The following SEMA3A variants were observed in gnomAD, a reference collection of about 807,000 sequenced individuals.
The protein encoded by SEMA3A is semaphorin 3A, also known as semaphorin-3A.
In SEMA3A, 29 loss-of-function variants were observed where a neutral mutation model predicts 97.9. That is an observed-to-expected ratio of 0.30 (90% CI 0.22 to 0.40). The LOEUF is 0.40. SEMA3A is among the 10% of genes least tolerant of loss of function. SEMA3A has a pLI of 1.00. For synonymous variants in SEMA3A, 321 were observed against 323.7 expected, an observed-to-expected ratio of 0.99 and a Z score of 0.09; for missense variants, 763 against 951.3, an observed-to-expected ratio of 0.80 and a Z score of 2.60.
intron 4 of SEMA3A, among the ~76,000 whole-genome samples, chr7:84,066,185 A>G (rs1793484285): frequency 6.6e-6 from 1 of 152,044 alleles, no homozygotes. Flanking sequence ...GATTATCGCA[A>G]TAGATGCAGA....
intron 3 of SEMA3A, among the ~76,000 whole-genome samples, chr7:84,230,539 CAA>C (rs1396513019): frequency 1.3e-5 from 2 of 151,926 alleles, no homozygotes; most frequent in Non-Finnish European, 2.9e-5. Context: ...TTTGAAATCC[CAA>C]GTCAGTAATG....
chr7:84,274,394 G>A (rs1003206219), intron 3 of SEMA3A, among the ~76,000 whole-genome samples: 2 of 152,044 alleles, frequency 1.3e-5, no homozygotes, highest in African/African-American at 4.8e-5. Flanking sequence ...AGGGAGTAGA[G>A]AGAAGAAAGA....
At chr7:84,425,399 A>T (rs572889785) in intron 1 of SEMA3A, among the ~76,000 whole-genome samples, 250 of 132,522 alleles carry the variant, frequency 1.9e-3, no homozygotes, top group African/African-American at 6.5e-3. Context: ...TAATATATTC[A>T]CATAAATATA....
chr7:84,240,838 G>A (rs1353398138), intron 3 of SEMA3A, among the ~76,000 whole-genome samples: 2 of 152,160 alleles, frequency 1.3e-5, no homozygotes, highest in African/African-American at 4.8e-5. Flanking sequence ...TCCCACTTAA[G>A]AGTGAGAACA....
rs190807622 is a variant in SEMA3A, at chr7:84,166,736, G to A, written c.112+27739C>T. On this transcript the variant is annotated intron_variant, in intron 1 of 16. Transcript: ENST00000265362. ...AAATACAAAAAAAAATTAGCTGGGC[G>A]CGGTGGCAGGCACCTGTAATCCCAG... Among the ~76,000 whole-genome samples the A allele has an allele frequency of 3.7e-4, 56 of 151,552 alleles. No individual in the cohort carries two copies. The East Asian group carries it at 3.9e-3, about 11-fold the overall frequency.
chr7:84,170,602 T>C (rs759626761), intron 1 of SEMA3A, among the ~76,000 whole-genome samples: 3 of 152,054 alleles, frequency 2.0e-5, no homozygotes, highest in Non-Finnish European at 2.9e-5. Flanking sequence ...AACTGAAAAT[T>C]ATTTTAGGGT....
At chr7:84,262,219 G>GT (rs1411228312) in intron 3 of SEMA3A, among the ~76,000 whole-genome samples, 2 of 151,432 alleles carry the variant, frequency 1.3e-5, no homozygotes, top group Non-Finnish European at 1.5e-5. Context: ...TTTGTTTTTT[G>GT]TTTTTTGTTT....
intron 1 of SEMA3A, among the ~76,000 whole-genome samples, chr7:84,155,818 T>C (rs978437179): frequency 6.6e-6 from 1 of 152,170 alleles, no homozygotes; most frequent in Non-Finnish European, 1.5e-5. Context: ...TTCAAACATA[T>C]TTAGTTTAAC....
At chr7:84,059,888 G>A (rs1793146403) in intron 5 of SEMA3A, among the ~76,000 whole-genome samples, 1 of 152,062 alleles carries the variant, frequency 6.6e-6, no homozygotes, top group Admixed American at 6.6e-5. Context: ...GTAGTTAAGA[G>A]TCTGGAAAAA....
At chr7:84,325,599 T>A (rs1041668748) in intron 2 of SEMA3A, among the ~76,000 whole-genome samples, 2 of 151,842 alleles carry the variant, frequency 1.3e-5, no homozygotes, top group Non-Finnish European at 2.9e-5. Flanking sequence ...TGAGGGAGTA[T>A]AACCACCAAG....
intron 2 of SEMA3A, among the ~76,000 whole-genome samples, chr7:84,133,886 TAAAAAAAA>T (rs60263065): frequency 1.3e-5 from 1 of 78,844 alleles, no homozygotes; most frequent in Non-Finnish European, 2.5e-5. Flanking sequence ...TCGTCTCTAC[TAAAAAAAA>T]AAAAAAAAAA....
chr7:84,153,278 G>A (rs962129626), intron 1 of SEMA3A, among the ~76,000 whole-genome samples: 1 of 152,138 alleles, frequency 6.6e-6, no homozygotes, highest in Admixed American at 6.5e-5. Context: ...AATTAAAAGA[G>A]GGTCTATCAG....
At chr7:84,311,164 G>A (rs762397283) in intron 2 of SEMA3A, among the ~76,000 whole-genome samples, 7 of 151,582 alleles carry the variant, frequency 4.6e-5, no homozygotes, top group African/African-American at 7.3e-5. Context: ...ATACTATATT[G>A]GGCAAGGTTT....
chr7:84,402,586 C>G (rs1459475353), intron 1 of SEMA3A, among the ~76,000 whole-genome samples: 2 of 152,038 alleles, frequency 1.3e-5, no homozygotes, highest in Non-Finnish European at 2.9e-5. Context: ...GATACGGAAT[C>G]GACCTAAGTG....
At position 84,404,289 on chromosome 7, in the gene SEMA3A, T is replaced by C. The variant is rs569957548; in HGVS notation, c.-245-32389A>G. On this transcript the variant is annotated intron_variant, in intron 1 of 3. Coordinates refer to the SEMA3A transcript ENST00000424555. The stretch of plus-strand genomic sequence containing the variant: ...CAATGCAATCAACTGGAAGAAAGGG[T>C]ATCAGCGATGGAAGACAAAATGAAT... 4.6e-5 allele frequency among the ~76,000 whole-genome samples: 7 copies of C among 152,022 alleles called. No homozygotes were observed. In the South Asian group the frequency reaches 1.5e-3, roughly 32 times the overall value.
At chr7:83,990,459 G>A (rs984052827) in intron 12 of SEMA3A, among the ~76,000 whole-genome samples, 2 of 133,040 alleles carry the variant, frequency 1.5e-5, no homozygotes, top group Admixed American at 8.0e-5. Flanking sequence ...TAGGTCGAAC[G>A]TTTAAGTCTT....
At position 84,005,443 on chromosome 7, in the gene SEMA3A, C is replaced by T. The variant is rs140701193; in HGVS notation, c.1256G>A (p.Arg419His). ...TACATCCGTTTTGATCACTATTGGG[C>T]GATTGTTCATAGGAAACACTGGATT... ...MYNPVFPMNN[R>H]PIVIKTDVNY... is the part of the protein sequence containing the mutation. The change falls in exon 11 of 17, where the codon CGC becomes CAC. Residue 419 changes from arginine to histidine, a missense_variant. Arg to His is a conservative substitution (Grantham distance 29). This residue lies in a region of SEMA3A where 678 missense variants were observed against 881.3 expected (regional missense o/e 0.77). Coordinates refer to ENST00000265362, the MANE Select transcript of SEMA3A (RefSeq NM_006080.3). 1.4e-5 allele frequency: 23 copies of T among 1,613,500 alleles called. No individual in the cohort carries two copies. The highest frequency in any genetic ancestry group is 6.7e-5 in the Admixed American group (4 of 59,982).
chr7:84,139,852 T>G (rs1796247910), intron 1 of SEMA3A, among the ~76,000 whole-genome samples: 1 of 152,210 alleles, frequency 6.6e-6, no homozygotes, highest in South Asian at 2.1e-4. Flanking sequence ...ATCTCTAATA[T>G]GCTACCAGTT....
intron 1 of SEMA3A, among the ~76,000 whole-genome samples, chr7:84,443,801 C>G (rs893836230): frequency 1.3e-5 from 2 of 151,800 alleles, no homozygotes; most frequent in Non-Finnish European, 2.9e-5. Flanking sequence ...AAATTCTTAC[C>G]ATGATCTTTG....
Sources: allele counts gnomAD v4.1 joint callset (sites outside exome capture counted in the v4.1 genomes callset), GRCh38; gene constraint gnomAD v4.1.1; regional missense constraint gnomAD v4.1.1; transcripts MANE v1.5; gene names NCBI Gene and HGNC (gene_info 2026-07-23, HGNC 2026-07-21).